Variants in PCDHAC1 observed in about 807,000 individuals in gnomAD.
PCDHAC1 encodes the protein protocadherin alpha-C1.
A neutral mutation model predicts 60.0 loss-of-function variants in PCDHAC1; 42 were observed. The observed-to-expected ratio is 0.70, with a 90% CI of 0.55 to 0.90. The LOEUF is 0.90. PCDHAC1 is among the 40% of genes least tolerant of loss of function. The probability of loss-of-function intolerance (pLI) is 0.00; values close to 1 mark genes in which losing one functional copy is unlikely to be tolerated. For missense variants in PCDHAC1, 1,160 were observed against 1,222.3 expected (o/e 0.95, Z 0.76); for synonymous variants, 468 against 499.3 (o/e 0.94, Z 0.84).
intron 1 of PCDHAC1, among the ~76,000 whole-genome samples, chr5:140,972,152 A>T (rs1481801555): frequency 6.6e-6 from 1 of 151,770 alleles, no homozygotes; most frequent in African/African-American, 2.4e-5. Context: ...TTTTATTTTT[A>T]TTTTTTTGAG....
chr5:140,932,700 AT>A (rs2088549755), intron 1 of PCDHAC1, among the ~76,000 whole-genome samples: 1 of 151,992 alleles, frequency 6.6e-6, no homozygotes, highest in Non-Finnish European at 1.5e-5. Context: ...AAAAACTCAT[AT>A]AGACAACACA....
Position 140,928,085 on chromosome 5 carries a change from T to G in PCDHAC1, c.1193T>G (p.Leu398Arg). 1.9e-6 allele frequency: 3 copies of G among 1,614,236 alleles called. No individual in the cohort carries two copies. The highest frequency in any genetic ancestry group is 8.5e-7 in the Non-Finnish European group (1 of 1,180,046). The change falls in exon 1 of 4, where the codon CTG becomes CGG. Residue 398 changes from leucine (L) to arginine (R), a missense_variant. By Grantham distance (102) the Leu-to-Arg change is moderately radical. Coordinates refer to ENST00000253807, the MANE Select transcript of PCDHAC1 (RefSeq NM_018898.5). ...TASFDNYYSLLIDGPLDREQI... is the reference protein window; with the variant it reads ...TASFDNYYSLRIDGPLDREQI... ...TCCTTTGACAACTACTACAGCCTGC[T>G]GATTGATGGGCCCCTGGACCGGGAG... is the stretch of plus-strand genomic sequence containing the variant.
chr5:140,996,737 T>G (rs887382236), intron 3 of PCDHAC1, among the ~76,000 whole-genome samples: 3 of 152,166 alleles, frequency 2.0e-5, no homozygotes, highest in Non-Finnish European at 2.9e-5. Context: ...ACAAAAGTCA[T>G]AACAAATTAT....
rs116202025 is a variant in PCDHAC1, at chr5:140,975,505, A to G, written c.2434-3444A>G. ...ATATCAATGTTCATAAAATAGCACTATGCAAAATCTGCAGTGGATATATTC... is the reference window on the plus strand; with the variant it reads ...ATATCAATGTTCATAAAATAGCACTGTGCAAAATCTGCAGTGGATATATTC... On this transcript the variant is annotated intron_variant, in intron 1 of 3. Transcript: ENST00000253807. Among the ~76,000 whole-genome samples, 512 of 152,350 alleles carry G rather than the reference A, an allele frequency of 3.4e-3. 3 individuals are homozygous for G. Among genetic ancestry groups the G allele is most frequent in the Middle Eastern group, 6.8e-3 (2 of 294 alleles).
chr5:141,000,421 A>AT lies in PCDHAC1; in HGVS notation c.2582-9183dup, dbSNP rs34755515. Reference sequence around the variant, plus strand: ...TATATATATATATATATATATATATATTTTTTTTTTTTTTTTTTTTTTTGA... The same window carrying AT: ...TATATATATATATATATATATATATATTTTTTTTTTTTTTTTTTTTTTTTGA... On this transcript the variant is annotated intron_variant, in intron 3 of 3. Transcript: ENST00000253807. 8.6e-3 allele frequency among the ~76,000 whole-genome samples: 241 copies of AT among 27,996 alleles called. 11 individuals carry two copies. The highest frequency in any genetic ancestry group is 9.4e-3 in the African/African-American group (53 of 5,644). The allele number at this position is 27,996 out of a possible 152,430, so 18.4% of individuals were successfully genotyped here.
chr5:140,968,652 A>G, intron 1 of PCDHAC1: 1 of 1,614,118 alleles, frequency 6.2e-7, no homozygotes, highest in Non-Finnish European at 8.5e-7. Context: ...CAGACTTCTG[A>G]CCTGGACCTC....
At chr5:140,936,340 C>T (rs1346812812) in intron 1 of PCDHAC1, among the ~76,000 whole-genome samples, 1 of 152,102 alleles carries the variant, frequency 6.6e-6, no homozygotes, top group Non-Finnish European at 1.5e-5. Flanking sequence ...TCTCTATCTG[C>T]ATATATGGAA....
chr5:140,935,985 C>G (rs155825), intron 1 of PCDHAC1, among the ~76,000 whole-genome samples: 1 of 150,926 alleles, frequency 6.6e-6, no homozygotes, highest in Admixed American at 6.6e-5. Context: ...CTCTGCCTCC[C>G]GGGTTCAAGC....
chr5:140,934,152 T>C (rs2089672287), intron 1 of PCDHAC1, among the ~76,000 whole-genome samples: 1 of 152,190 alleles, frequency 6.6e-6, no homozygotes. Context: ...TATATGTTTA[T>C]ATTTCAGTGT....
intron 1 of PCDHAC1, among the ~76,000 whole-genome samples, chr5:140,947,645 A>AT (rs2094157342): frequency 6.6e-6 from 1 of 151,670 alleles, no homozygotes; most frequent in East Asian, 1.9e-4. Context: ...GTATGAACAT[A>AT]TATACCTCCA....
rs1368766918 is a variant in PCDHAC1 at position 141,010,867 on chromosome 5, A to G, written c.*930A>G. 4.6e-5 allele frequency: 7 copies of G among 153,798 alleles called. No homozygotes were observed. The highest frequency in any genetic ancestry group is 3.3e-4 in the Admixed American group (5 of 15,292). 9.5% of individuals were successfully genotyped at this position (153,798 alleles called of 1,614,324 possible). A position where few individuals can be genotyped will look rare whatever the true frequency, so the allele number is the denominator to read the frequency against. On this transcript the variant is annotated 3_prime_UTR_variant, in exon 4 of 4. Coordinates refer to ENST00000253807, the MANE Select transcript of PCDHAC1 (RefSeq NM_018898.5). Reference sequence around the variant, plus strand: ...TTAAAAAAAGAGAAAGTCTATAGCTATAAATCTTTAAAGAGAAATATGAAT... The same window carrying G: ...TTAAAAAAAGAGAAAGTCTATAGCTGTAAATCTTTAAAGAGAAATATGAAT...
In PCDHAC1 at chr5:141,011,512, G is replaced by A. The variant is rs561564688; in HGVS notation, c.*1575G>A. On this transcript the variant is annotated 3_prime_UTR_variant, in exon 4 of 4. Coordinates refer to ENST00000253807, the MANE Select transcript of PCDHAC1 (RefSeq NM_018898.5). ...TGTACACCTGTGAAAAAGTGGAGTAGTGTTTTTTTAACCATTGTTAATCAG... is the reference window on the plus strand; with the variant it reads ...TGTACACCTGTGAAAAAGTGGAGTAATGTTTTTTTAACCATTGTTAATCAG... 9 of 153,844 alleles carry A rather than the reference G, an allele frequency of 5.9e-5. No homozygotes were observed. Among genetic ancestry groups the A allele is most frequent in the African/African-American group, 2.2e-4 (9 of 41,570 alleles). 9.5% of individuals were successfully genotyped at this position (153,844 alleles called of 1,614,324 possible).
At chr5:140,997,697 T>C (rs2153948518) in intron 3 of PCDHAC1, among the ~76,000 whole-genome samples, 1 of 151,394 alleles carries the variant, frequency 6.6e-6, no homozygotes. Flanking sequence ...TGTGTGTGTG[T>C]ATGTTAACAA....
At chr5:140,944,219 A>G (rs191111426) in intron 1 of PCDHAC1, among the ~76,000 whole-genome samples, 202 of 152,176 alleles carry the variant, frequency 1.3e-3, no homozygotes, top group Non-Finnish European at 2.3e-3. Context: ...AGAGGGTTTT[A>G]CTCTGTCGCT....
At chr5:140,967,422 A>C in intron 1 of PCDHAC1, 6 of 1,613,338 alleles carry the variant, frequency 3.7e-6, no homozygotes, top group East Asian at 2.2e-5. Flanking sequence ...GACCGGGAGC[A>C]GGCAGCCTTG....
chr5:140,931,188 G>A (rs782167226), intron 1 of PCDHAC1, among the ~76,000 whole-genome samples: 1 of 152,126 alleles, frequency 6.6e-6, no homozygotes, highest in South Asian at 2.1e-4. Flanking sequence ...GGAAATTGGT[G>A]CACTACAATG....
At chr5:140,990,318 A>C (rs2097387548) in intron 3 of PCDHAC1, among the ~76,000 whole-genome samples, 1 of 152,054 alleles carries the variant, frequency 6.6e-6, no homozygotes, top group Admixed American at 6.5e-5. Context: ...AACCAACCAA[A>C]CAAACTTTAA....
At chr5:140,952,750 A>T (rs1240610789) in intron 1 of PCDHAC1, among the ~76,000 whole-genome samples, 2 of 152,326 alleles carry the variant, frequency 1.3e-5, no homozygotes, top group Non-Finnish European at 2.9e-5. Context: ...CTGCTATAAA[A>T]ACACCTGAGA....
chr5:140,934,511 T>G (rs999288213), intron 1 of PCDHAC1, among the ~76,000 whole-genome samples: 1 of 152,210 alleles, frequency 6.6e-6, no homozygotes. Context: ...AAAGGGTCCA[T>G]AGACCACACT....
Sources: allele counts gnomAD v4.1 joint callset (sites outside exome capture counted in the v4.1 genomes callset), GRCh38; gene constraint gnomAD v4.1.1; transcripts MANE v1.5; gene names NCBI Gene and HGNC (gene_info 2026-07-23, HGNC 2026-07-21).